TMEM39B: variants seen among roughly 807,000 people sequenced by gnomAD.
The protein encoded by TMEM39B is transmembrane protein 39B.
In TMEM39B, 23 loss-of-function variants were observed where a neutral mutation model predicts 52.2. The ratio of observed to expected loss-of-function variants is 0.44; its 90% CI spans 0.32 to 0.62. The LOEUF (loss-of-function observed/expected upper bound fraction) is 0.62, where lower values mean the gene tolerates loss of function less well. Ranked by LOEUF, TMEM39B falls within the 20% of genes least tolerant of loss-of-function variation. The pLI is 0.06. For missense variants in TMEM39B, 547 were observed against 642.0 expected, an observed-to-expected ratio of 0.85 and a Z score of 1.60; for synonymous variants, 285 against 264.0, an observed-to-expected ratio of 1.08 and a Z score of -0.77.
Position 32,072,946 on chromosome 1 carries a change from G to A in TMEM39B, c.-102G>A, listed in dbSNP as rs1321913861. The A allele has an allele frequency of 7.0e-7, 1 of 1,438,298 alleles. No homozygotes were observed. The highest frequency in any genetic ancestry group is 9.3e-7 in the Non-Finnish European group (1 of 1,074,240). The allele number at this position is 1,438,298 out of a possible 1,614,324, so 89.1% of individuals were successfully genotyped here. Reference sequence around the variant, plus strand: ...CGGCGGGAGCGCGCGGCTGATACCCGGGACTGGGCTGCGGCGGTTAGTCCT... The same window carrying A: ...CGGCGGGAGCGCGCGGCTGATACCCAGGACTGGGCTGCGGCGGTTAGTCCT... On this transcript the variant is annotated 5_prime_UTR_variant, in exon 1 of 9. Coordinates refer to ENST00000336294, the MANE Select transcript of TMEM39B (RefSeq NM_018056.4).
intron 5 of TMEM39B, among the ~76,000 whole-genome samples, chr1:32,085,533 A>C (rs1183209269): frequency 6.6e-6 from 1 of 152,120 alleles, no homozygotes; most frequent in East Asian, 1.9e-4. Context: ...TGGGTGGATC[A>C]CAAGGTCAGG....
At chr1:32,081,558 G>A (rs989801550) in intron 5 of TMEM39B, among the ~76,000 whole-genome samples, 1 of 152,098 alleles carries the variant, frequency 6.6e-6, no homozygotes, top group African/African-American at 2.4e-5. Flanking sequence ...GACCAGCCTG[G>A]CCATCATGGT....
At chr1:32,072,720 G>T (rs1183430468), upstream of TMEM39B, among the ~76,000 whole-genome samples, 1 of 152,232 alleles carries the variant, frequency 6.6e-6, no homozygotes, top group Non-Finnish European at 1.5e-5. Context: ...CCCGGTCCAG[G>T]AGATGCTGAG....
chr1:32,079,119 G>A (rs952028197), intron 5 of TMEM39B, among the ~76,000 whole-genome samples: 3 of 151,714 alleles, frequency 2.0e-5, no homozygotes, highest in African/African-American at 4.8e-5. Context: ...CTGGAGTGCA[G>A]TGGCTATTCA....
intron 5 of TMEM39B, among the ~76,000 whole-genome samples, 181 bp downstream of exon 5, chr1:32,077,499 G>A (rs562296815): frequency 1.3e-5 from 2 of 152,202 alleles, no homozygotes; most frequent in South Asian, 2.1e-4. Context: ...TTTTGCAGAC[G>A]AAACTGAGGT....
At chr1:32,102,093 A>G (rs761756099) in intron 8 of TMEM39B, among the ~76,000 whole-genome samples, 2 of 152,184 alleles carry the variant, frequency 1.3e-5, no homozygotes, top group African/African-American at 4.8e-5. Context: ...GTTTTCAAAA[A>G]TTAAAAAAAA....
In TMEM39B at chr1:32,100,471, G is replaced by A. The variant is rs376257849; in HGVS notation, c.1145G>A (p.Gly382Asp). 2 of 1,608,848 alleles carry A rather than the reference G, an allele frequency of 1.2e-6. No individual in the cohort carries two copies. The highest frequency in any genetic ancestry group is 2.7e-5 in the African/African-American group (2 of 74,884). Reference sequence around the variant, plus strand: ...ACTGAAGAATGCATGTGGCCGCAGGGCGTGCTGGTGAAGCACAGCAAGAAC... The same window carrying A: ...ACTGAAGAATGCATGTGGCCGCAGGACGTGCTGGTGAAGCACAGCAAGAAC... ...PWTEECMWPQ[G>D]VLVKHSKNVY... Residue 382 changes from glycine to aspartate, a missense_variant, in exon 8 of 9, where the codon GGC (glycine) becomes GAC (aspartate). Coordinates refer to ENST00000336294, the MANE Select transcript of TMEM39B (RefSeq NM_018056.4).
chr1:32,091,491 A>C (rs1259184867), intron 5 of TMEM39B, among the ~76,000 whole-genome samples, 184 bp from the exon 6 acceptor site: 1 of 152,208 alleles, frequency 6.6e-6, no homozygotes, highest in Non-Finnish European at 1.5e-5. Context: ...ACCGAGTGGT[A>C]ATACGTGTGC....
At chr1:32,081,272 C>T (rs1640090449) in intron 5 of TMEM39B, among the ~76,000 whole-genome samples, 1 of 151,758 alleles carries the variant, frequency 6.6e-6, no homozygotes, top group Non-Finnish European at 1.5e-5. Context: ...TGCACTCCAG[C>T]CTGAGTGACA....
At chr1:32,096,492 C>T (rs566196578) in intron 7 of TMEM39B, among the ~76,000 whole-genome samples, 10 of 135,848 alleles carry the variant, frequency 7.4e-5, no homozygotes, top group African/African-American at 2.8e-4. Flanking sequence ...TGGAGTCACG[C>T]TCTGTTGCCC....
chr1:32,098,187 G>A (rs867335488), intron 7 of TMEM39B, among the ~76,000 whole-genome samples: 25 of 151,690 alleles, frequency 1.6e-4, no homozygotes, highest in Admixed American at 8.5e-4. Flanking sequence ...TTTTAGTAGA[G>A]ACGGGGTTTC....
intron 8 of TMEM39B, among the ~76,000 whole-genome samples, chr1:32,100,895 G>C (rs1640996975): frequency 6.6e-6 from 1 of 152,112 alleles, no homozygotes; most frequent in African/African-American, 2.4e-5. Flanking sequence ...GCCAGGTATG[G>C]TGGCGGGCGC....
At chr1:32,083,732 T>A (rs1037101172) in intron 5 of TMEM39B, among the ~76,000 whole-genome samples, 1 of 152,096 alleles carries the variant, frequency 6.6e-6, no homozygotes, top group Non-Finnish European at 1.5e-5. Context: ...TTAAAGGACT[T>A]CTTTAAAGGA....
intron 7 of TMEM39B, among the ~76,000 whole-genome samples, chr1:32,097,418 C>T (rs1413430166): frequency 1.3e-5 from 2 of 151,550 alleles, no homozygotes; most frequent in Admixed American, 1.3e-4. Flanking sequence ...GCAATTTCCG[C>T]CTCCCAGGTT....
chr1:32,085,622 A>G (rs55647089), intron 5 of TMEM39B, among the ~76,000 whole-genome samples: 4,297 of 151,906 alleles, frequency 0.028, 190 homozygotes, highest in African/African-American at 0.097. Context: ...GTGGTGGTGC[A>G]TGCCTGTAAT....
At chr1:32,098,189 C>T (rs997505004) in intron 7 of TMEM39B, among the ~76,000 whole-genome samples, 7 of 151,284 alleles carry the variant, frequency 4.6e-5, no homozygotes, top group South Asian at 2.1e-4. Context: ...TTAGTAGAGA[C>T]GGGGTTTCAC....
rs1042453759 is a variant in TMEM39B, at chr1:32,102,633, C to T, written c.1439C>T (p.Ser480Phe). 6.2e-7 allele frequency: 1 copy of T among 1,608,654 alleles called. No individual in the cohort carries two copies. Reference protein sequence around the residue: ...RLVLGKAYSYSASPQRDLDHR... With the variant: ...RLVLGKAYSYFASPQRDLDHR... ...GTATTGGGCAAGGCCTACTCATACTCTGCTAGCCCCCAGAGAGACCTGGAC... is the reference window on the plus strand; with the variant it reads ...GTATTGGGCAAGGCCTACTCATACTTTGCTAGCCCCCAGAGAGACCTGGAC... The change falls in exon 9 of 9, where the codon TCT becomes TTT. Residue 480 changes from serine (S) to phenylalanine (F), a missense_variant. Coordinates refer to ENST00000336294, the MANE Select transcript of TMEM39B (RefSeq NM_018056.4).
chr1:32,080,996 C>T (rs1557914330), intron 5 of TMEM39B, among the ~76,000 whole-genome samples: 2 of 151,900 alleles, frequency 1.3e-5, no homozygotes, highest in African/African-American at 4.8e-5. Flanking sequence ...CACCAGTGCA[C>T]TTCAGCGTGG....
chr1:32,096,490 C>T lies in TMEM39B; in HGVS notation c.1115+1519C>T, dbSNP rs144031057. On this transcript the variant is annotated intron_variant, in intron 7 of 8. Transcript: ENST00000336294. Reference sequence around the variant, plus strand: ...TTTTTTTTTTTTTGAGATGGAGTCACGCTCTGTTGCCCAGGCTGGAGTGCA... The same window carrying T: ...TTTTTTTTTTTTTGAGATGGAGTCATGCTCTGTTGCCCAGGCTGGAGTGCA... 8.0e-3 allele frequency among the ~76,000 whole-genome samples: 1,032 copies of T among 129,682 alleles called. 8 individuals are homozygous for T. The highest frequency in any genetic ancestry group is 0.028 in the African/African-American group (945 of 34,078). 85.1% of individuals were successfully genotyped at this position (129,682 alleles called of 152,430 possible). A position where few individuals can be genotyped will look rare whatever the true frequency, so the allele number is the denominator to read the frequency against.
Sources: allele counts gnomAD v4.1 joint callset (sites outside exome capture counted in the v4.1 genomes callset), GRCh38; gene constraint gnomAD v4.1.1; transcripts MANE v1.5; gene names NCBI Gene and HGNC (gene_info 2026-07-23, HGNC 2026-07-21).